DDX60L: variants seen among roughly 807,000 people sequenced by gnomAD.
DDX60L encodes the protein DExD/H-box 60 like.
In DDX60L, 191 loss-of-function variants were observed where a neutral mutation model predicts 211.6. That is an observed-to-expected ratio of 0.90 (90% confidence interval 0.80 to 1.02). The LOEUF (loss-of-function observed/expected upper bound fraction) is 1.02. Ranked by LOEUF, DDX60L falls within the 50% of genes least tolerant of loss-of-function variation. DDX60L has a pLI of 0.00. For synonymous variants in DDX60L, 706 were observed against 694.1 expected, an observed-to-expected ratio of 1.02 and a Z score of -0.27; for missense variants, 2,007 against 1,984.1, an observed-to-expected ratio of 1.01 and a Z score of -0.22.
At chr4:168,454,086 C>A (rs1319679103) in intron 7 of DDX60L, among the ~76,000 whole-genome samples, 5 of 152,248 alleles carry the variant, frequency 3.3e-5, no homozygotes, top group South Asian at 4.1e-4. Context: ...GTGCTATTCA[C>A]ACTCCCACCC....
chr4:168,419,343 G>A lies in DDX60L; in HGVS notation c.2569C>T (p.Gln857Ter). The A allele has an allele frequency of 1.3e-6, 2 of 1,599,124 alleles. No individual in the cohort carries two copies. Among genetic ancestry groups the A allele is most frequent in the Non-Finnish European group, 1.7e-6 (2 of 1,171,848 alleles). ...TATCTGATCCTTTCCACCCATTTTT[G>A]GCGATGAGGAGCAAGCAACAGGATT... ...FEILLLAPHR[Q>*]KWVERIRYVI... The change falls in exon 19 of 38, where the codon CAA (glutamine) becomes TAA (stop). Residue 857 changes from glutamine to a stop codon, truncating the protein, a stop_gained. Coordinates refer to ENST00000682922, the MANE Select transcript of DDX60L (RefSeq NM_001012967.3). LOFTEE classifies it high-confidence loss of function.
intron 19 of DDX60L, among the ~76,000 whole-genome samples, chr4:168,418,939 G>C (rs75139441): frequency 0.12 from 18,457 of 152,212 alleles, 1,150 homozygotes; most frequent in Middle Eastern, 0.13. Context: ...ACCTTGGCCA[G>C]CTGCATTTCT....
rs1402094567 is a variant in DDX60L at position 168,443,036 on chromosome 4, T to C, written c.1139-1544A>G. 1.5e-4 allele frequency among the ~76,000 whole-genome samples: 23 copies of C among 152,310 alleles called. No individual in the cohort carries two copies. The South Asian group carries it at 4.8e-3, about 32-fold the overall frequency. ...AACAAAGCTGGATGGAGAATGACTT[T>C]GATGAGCTGAGAGAAGAAGGCTTCA... On this transcript the variant is annotated intron_variant, in intron 9 of 37. Coordinates refer to ENST00000682922, the MANE Select transcript of DDX60L (RefSeq NM_001012967.3).
At chr4:168,421,475 T>C (rs915402245) in intron 17 of DDX60L, among the ~76,000 whole-genome samples, 1 of 152,102 alleles carries the variant, frequency 6.6e-6, no homozygotes, top group African/African-American at 2.4e-5. Flanking sequence ...GCCAACATGG[T>C]GAAACCCTGT....
Position 168,471,865 on chromosome 4 carries a change from G to A in DDX60L, c.146C>T (p.Thr49Ile). 1 of 1,613,520 alleles carries A rather than the reference G, an allele frequency of 6.2e-7. No individual in the cohort carries two copies. Among genetic ancestry groups the A allele is most frequent in the South Asian group, 1.1e-5 (1 of 90,962 alleles). ...FVIDGDSLLV[T>I]CLGVKSFKWG... Reference sequence around the variant, plus strand: ...CTTGAATGATTTTACACCCAGGCATGTGACAAGCAAGGAATCTCCATCAAT... The same window carrying A: ...CTTGAATGATTTTACACCCAGGCATATGACAAGCAAGGAATCTCCATCAAT... Residue 49 changes from threonine to isoleucine, a missense_variant, in exon 4 of 38, where the codon ACA (threonine) becomes ATA (isoleucine). By Grantham distance (89) the Thr-to-Ile change is moderately conservative (BLOSUM62 -1). Coordinates refer to ENST00000682922, the MANE Select transcript of DDX60L (RefSeq NM_001012967.3).
Position 168,433,105 on chromosome 4 carries a change from C to T in DDX60L, c.1305G>A (p.Leu435=). 1 of 1,601,020 alleles carries T rather than the reference C, an allele frequency of 6.2e-7. No homozygotes were observed. The highest frequency in any genetic ancestry group is 8.5e-7 in the Non-Finnish European group (1 of 1,172,234). Residue 435 remains leucine (L), a synonymous_variant, in exon 11 of 38, where the codon TTG becomes TTA. Transcript: ENST00000682922. ...TAAAGCCCACACTAGGCATCTTTTC[C>T]AAGGAGATTTCTGAAAACAAATATA... ...QEKSVIQEIS[L]EKMPSVGFIP...
intron 36 of DDX60L, among the ~76,000 whole-genome samples, chr4:168,365,226 C>G (rs1355991695): frequency 6.6e-6 from 1 of 151,710 alleles, no homozygotes; most frequent in African/African-American, 2.4e-5. Flanking sequence ...TTTGAAAGGT[C>G]AGTGAAATGA....
chr4:168,408,554 T>C (rs1040674999), intron 22 of DDX60L, among the ~76,000 whole-genome samples: 1 of 152,118 alleles, frequency 6.6e-6, no homozygotes, highest in Non-Finnish European at 1.5e-5. Context: ...TATATGGTTG[T>C]ATCGGTTTGT....
intron 30 of DDX60L, chr4:168,380,290 T>C (rs1054991878): frequency 4.6e-5 from 7 of 152,946 alleles, no homozygotes; most frequent in African/African-American, 1.7e-4. Context: ...CCAAATTTCA[T>C]GTCAAATTGT....
At chr4:168,478,295 C>T (rs2634961) in intron 1 of DDX60L, among the ~76,000 whole-genome samples, 127,464 of 151,912 alleles carry the variant, frequency 0.84, 53,776 homozygotes, top group South Asian at 0.94. Context: ...AGGTGTTACC[C>T]TCCCAGGCCA....
chr4:168,445,970 A>G (rs1487239064), intron 9 of DDX60L, among the ~76,000 whole-genome samples: 3 of 139,906 alleles, frequency 2.1e-5, no homozygotes, highest in African/African-American at 5.2e-5. Flanking sequence ...AAACTGGCAC[A>G]AGACAGGGAT....
Position 168,371,757 on chromosome 4 carries a change from G to GGAT in DDX60L, c.4780_4782dup (p.Ile1594dup). ...GTGCCACTAACACCGACTGTGCGCA[G>GGAT]GATGACCTGAAGAAAGACATTTTCT... is the stretch of plus-strand genomic sequence containing the variant. On this transcript the variant is annotated inframe_insertion, in exon 36 of 38. Transcript: ENST00000682922. 1 of 1,599,398 alleles carries GGAT rather than the reference G, an allele frequency of 6.3e-7. No homozygotes were observed. The highest frequency in any genetic ancestry group is 8.5e-7 in the Non-Finnish European group (1 of 1,169,816).
intron 16 of DDX60L, 137 bp downstream of exon 16, chr4:168,422,387 T>C (rs953958889): frequency 2.6e-5 from 21 of 798,312 alleles, no homozygotes; most frequent in South Asian, 2.2e-4. Context: ...ATACTCTAGT[T>C]ACATTCTCCA....
In DDX60L at chr4:168,422,660, T is replaced by C. The variant is rs1373413952; in HGVS notation, c.2108A>G (p.Asp703Gly). ...NSLDPTLIGD[D>G]KNKKKYSIDI... ...AATCGAATATTTCTTCTTATTTTTG[T>C]CATCTCCTATCTGTTATTTTAATAT... The change falls in exon 16 of 38, where the codon GAC becomes GGC. Residue 703 changes from aspartate (D) to glycine (G), a missense_variant. Physicochemically the swap from Asp to Gly is moderately conservative, Grantham distance 94. Transcript: ENST00000682922. 6.3e-7 allele frequency: 1 copy of C among 1,591,154 alleles called. No individual in the cohort carries two copies. The highest frequency in any genetic ancestry group is 8.6e-7 in the Non-Finnish European group (1 of 1,167,616).
In DDX60L at chr4:168,375,393, G is replaced by T; in HGVS notation, c.4617C>A (p.Leu1539=). The T allele has an allele frequency of 6.2e-7, 1 of 1,612,424 alleles. No homozygotes were observed. Among genetic ancestry groups the T allele is most frequent in the East Asian group, 2.2e-5 (1 of 44,808 alleles). Residue 1539 remains leucine, a synonymous_variant, in exon 34 of 38, where the codon CTC becomes CTA. Transcript: ENST00000682922. ...TCTGCTTACTGATTCTTGACAAAGG[G>T]AGTTGATGCTCTTTTTTCATGTTCA... The part of the protein sequence containing the change: ...KSVNMKKEHQ[L]PLSRIKFTGK...
rs756156510 is a variant in DDX60L, at chr4:168,433,096, C to T, written c.1314G>A (p.Met438Ile). Residue 438 changes from methionine (M) to isoleucine (I), a missense_variant, in exon 11 of 38, where the codon ATG becomes ATA. Transcript: ENST00000682922. ...TCATTGGAATAAAGCCCACACTAGG[C>T]ATCTTTTCCAAGGAGATTTCTGAAA... ...SVIQEISLEK[M>I]PSVGFIPMTS... is the part of the protein sequence containing the mutation. 2.2e-5 allele frequency: 35 copies of T among 1,605,070 alleles called. No homozygotes were observed. Among genetic ancestry groups the T allele is most frequent in the Non-Finnish European group, 2.6e-5 (31 of 1,174,884 alleles).
intron 22 of DDX60L, 102 bp from the exon 23 acceptor site, chr4:168,406,808 T>C: frequency 1.2e-6 from 1 of 829,940 alleles, no homozygotes; most frequent in South Asian, 1.7e-5. Context: ...TCTTTACCTG[T>C]GAATCCAGGG....
intron 34 of DDX60L, 53 bp downstream of exon 34, chr4:168,375,324 C>T (rs1424077110): frequency 1.5e-6 from 2 of 1,307,214 alleles, no homozygotes; most frequent in Admixed American, 2.6e-5. Context: ...GCTTTCTTAA[C>T]CAAGATTGTT....
intron 22 of DDX60L, among the ~76,000 whole-genome samples, chr4:168,413,954 G>A (rs1749100939): frequency 6.6e-6 from 1 of 151,982 alleles, no homozygotes; most frequent in Non-Finnish European, 1.5e-5. Flanking sequence ...ACTCCCAAAG[G>A]TCAAGAATAA....
Sources: allele counts gnomAD v4.1 joint callset (sites outside exome capture counted in the v4.1 genomes callset), GRCh38; gene constraint gnomAD v4.1.1; transcripts MANE v1.5; gene names NCBI Gene and HGNC (gene_info 2026-07-23, HGNC 2026-07-21).